Variants in KIAA1549L observed in about 807,000 individuals in gnomAD.
KIAA1549L encodes the protein KIAA1549 like, also known as UPF0606 protein KIAA1549L.
Under a neutral mutation model 160.7 loss-of-function variants are expected in KIAA1549L, and 88 were observed. The ratio of observed to expected loss-of-function variants is 0.55; its 90% CI spans 0.46 to 0.65. The LOEUF (loss-of-function observed/expected upper bound fraction) is 0.65, where lower values mean the gene tolerates loss of function less well. KIAA1549L is among the 30% of genes least tolerant of loss of function. KIAA1549L has a pLI of 0.00. For missense variants in KIAA1549L, 2,258 were observed against 2,437.5 expected (o/e 0.93, Z 1.55); for synonymous variants, 950 against 976.7 (o/e 0.97, Z 0.51).
intron 12 of KIAA1549L, among the ~76,000 whole-genome samples, chr11:33,592,125 G>A (rs977547034): frequency 6.6e-6 from 1 of 152,186 alleles, no homozygotes; most frequent in Admixed American, 6.5e-5. Context: ...AAAGGGACAG[G>A]TTTGTTCTCT....
At chr11:33,486,758 A>T (rs993878801) in intron 1 of KIAA1549L, among the ~76,000 whole-genome samples, 1 of 152,150 alleles carries the variant, frequency 6.6e-6, no homozygotes, top group Admixed American at 6.6e-5. Context: ...TAAAAAAAAA[A>T]TCTATGAATA....
intron 17 of KIAA1549L, among the ~76,000 whole-genome samples, chr11:33,654,518 C>G (rs1337729663): frequency 6.6e-6 from 1 of 152,162 alleles, no homozygotes; most frequent in Non-Finnish European, 1.5e-5. Context: ...TTGCTTCTGC[C>G]TGAGCTGGGA....
At chr11:33,486,817 G>A (rs1380629931) in intron 1 of KIAA1549L, among the ~76,000 whole-genome samples, 1 of 152,132 alleles carries the variant, frequency 6.6e-6, no homozygotes, top group Non-Finnish European at 1.5e-5. Context: ...TGGTGATCAG[G>A]TATGTCATAG....
intron 1 of KIAA1549L, among the ~76,000 whole-genome samples, chr11:33,534,637 C>T (rs749088085): frequency 6.6e-6 from 1 of 151,950 alleles, no homozygotes; most frequent in Non-Finnish European, 1.5e-5. Flanking sequence ...CATTTCAATG[C>T]GTTTGCTGGT....
chr11:33,583,294 C>T, intron 10 of KIAA1549L, 44 bp from the exon 11 acceptor site: 3 of 1,560,726 alleles, frequency 1.9e-6, no homozygotes, highest in East Asian at 2.3e-5. Flanking sequence ...TTTCCTCTTC[C>T]CAGTGTTGCT....
intron 1 of KIAA1549L, among the ~76,000 whole-genome samples, chr11:33,453,089 C>T (rs535725010): frequency 6.6e-6 from 1 of 152,228 alleles, no homozygotes. Context: ...TGTGCATTCT[C>T]TGAGTGACTG....
chr11:33,591,272 G>C lies in KIAA1549L; in HGVS notation c.4602G>C (p.Leu1534=). The C allele has an allele frequency of 6.2e-7, 1 of 1,613,386 alleles. No homozygotes were observed. Among genetic ancestry groups the C allele is most frequent in the East Asian group, 2.2e-5 (1 of 44,844 alleles). The change falls in exon 12 of 21, where the codon CTG becomes CTC. Residue 1534 remains leucine (L), a synonymous_variant. Coordinates refer to ENST00000658780, the MANE Select transcript of KIAA1549L (RefSeq NM_012194.3). ...VQGFDYAKQH[L]GQQGADEEVI... The stretch of plus-strand genomic sequence containing the variant: ...GCTTTGATTATGCCAAGCAACACCT[G>C]GGCCAGCAAGGGGCAGATGAGGAGG...
In KIAA1549L at chr11:33,542,640, A is replaced by C; in HGVS notation, c.1077A>C (p.Pro359=). The C allele has an allele frequency of 5.6e-6, 9 of 1,613,668 alleles. No individual in the cohort carries two copies. The highest frequency in any genetic ancestry group is 7.6e-6 in the Non-Finnish European group (9 of 1,179,812). Residue 359 remains proline (P), a synonymous_variant, in exon 2 of 21, where the codon CCA becomes CCC. Coordinates refer to ENST00000658780, the MANE Select transcript of KIAA1549L (RefSeq NM_012194.3). The stretch of plus-strand genomic sequence containing the variant: ...TGTCCCATCCGTCTCCCCCTCCCCC[A>C]GCACTTGGAAGTCTTCTTCAGCTTC... ...AELSHPSPPP[P]ALGSLLQLPD... is the part of the protein sequence containing the mutation.
At chr11:33,475,187 A>G (rs1852258477) in intron 1 of KIAA1549L, among the ~76,000 whole-genome samples, 2 of 152,102 alleles carry the variant, frequency 1.3e-5, no homozygotes, top group South Asian at 4.1e-4. Context: ...TTTCTTTCTT[A>G]TGGAGCCCTG....
At chr11:33,460,620 T>C (rs1851923649) in intron 1 of KIAA1549L, among the ~76,000 whole-genome samples, 1 of 152,246 alleles carries the variant, frequency 6.6e-6, no homozygotes, top group Non-Finnish European at 1.5e-5. Context: ...TGTGTTTGTC[T>C]TCCTGGTACT....
chr11:33,386,508 C>T (rs549559664), intron 1 of KIAA1549L, among the ~76,000 whole-genome samples: 1 of 152,128 alleles, frequency 6.6e-6, no homozygotes, highest in African/African-American at 2.4e-5. Flanking sequence ...TGGTGAAACC[C>T]TGTCTCTACT....
chr11:33,591,195 C>T, intron 11 of KIAA1549L, 42 bp from the exon 12 acceptor site: 1 of 1,495,646 alleles, frequency 6.7e-7, no homozygotes, highest in East Asian at 2.4e-5. Flanking sequence ...TAGAGTCACA[C>T]TTCGCTAGAA....
At chr11:33,598,990 C>T (rs764298424) in intron 13 of KIAA1549L, 43 bp downstream of exon 13, 24 of 1,607,176 alleles carry the variant, frequency 1.5e-5, no homozygotes, top group Non-Finnish European at 1.8e-5. Flanking sequence ...GCTGCTCCCA[C>T]GCGTGCCCGC....
At chr11:33,382,599 CAT>C (rs1399680233) in intron 1 of KIAA1549L, among the ~76,000 whole-genome samples, 1 of 152,132 alleles carries the variant, frequency 6.6e-6, no homozygotes, top group African/African-American at 2.4e-5. Flanking sequence ...ACATGAAAGA[CAT>C]ATGACCAGAG....
At position 33,453,754 on chromosome 11, in the gene KIAA1549L, C is replaced by T. The variant is rs938796097; in HGVS notation, c.238+76865C>T. ...TAGCTAAGAAATATCAATACCTAAT[C>T]ATTGTCAAGCATCTGCAGTTTCTGC... On this transcript the variant is annotated intron_variant, in intron 1 of 20. Transcript: ENST00000658780. 2.0e-5 allele frequency among the ~76,000 whole-genome samples: 3 copies of T among 152,202 alleles called. No homozygotes were observed. The South Asian group carries it at 6.2e-4, about 32-fold the overall frequency.
intron 1 of KIAA1549L, among the ~76,000 whole-genome samples, chr11:33,408,208 G>A (rs1850707495): frequency 6.6e-6 from 1 of 152,072 alleles, no homozygotes; most frequent in Admixed American, 6.6e-5. Context: ...TCTAAAACAT[G>A]TAAAACTGAG....
rs542408405 is a variant in KIAA1549L, at chr11:33,573,593, C to A, written c.4231-1109C>A. Among the ~76,000 whole-genome samples the A allele has an allele frequency of 1.7e-4, 26 of 152,148 alleles. No individual in the cohort carries two copies. In the South Asian group the frequency reaches 5.0e-3, roughly 29 times the overall value. The stretch of plus-strand genomic sequence containing the variant: ...TATTAACAACTTTTGAATTTTTAGT[C>A]TTTTTACTGTTATAAACAATGTTGC... On this transcript the variant is annotated intron_variant, in intron 9 of 20. Transcript: ENST00000658780.
At chr11:33,520,999 C>CA (rs1026014643) in intron 1 of KIAA1549L, among the ~76,000 whole-genome samples, 23 of 146,604 alleles carry the variant, frequency 1.6e-4, no homozygotes, top group Middle Eastern at 3.6e-3. Flanking sequence ...CCAATATCTA[C>CA]AAAAAAAAAA....
At chr11:33,588,098 G>A (rs1264078224) in intron 11 of KIAA1549L, among the ~76,000 whole-genome samples, 1 of 152,182 alleles carries the variant, frequency 6.6e-6, no homozygotes, top group Non-Finnish European at 1.5e-5. Context: ...TCTGTAAACT[G>A]GGAACTCATG....
Sources: allele counts gnomAD v4.1 joint callset (sites outside exome capture counted in the v4.1 genomes callset), GRCh38; gene constraint gnomAD v4.1.1; transcripts MANE v1.5; gene names NCBI Gene and HGNC (gene_info 2026-07-23, HGNC 2026-07-21).